The following MIR2052HG variants were observed in gnomAD, a reference collection of about 807,000 sequenced individuals.
MIR2052HG encodes the protein MIR2052 host gene.
At chr8:74,717,674 A>G (rs937471363) in intron 4 of MIR2052HG, among the ~76,000 whole-genome samples, 13 of 152,128 alleles carry the variant, frequency 8.5e-5, no homozygotes, top group African/African-American at 3.1e-4. Context: ...AAAAAAATAT[A>G]GTAAGGCATC....
At chr8:74,666,493 C>T (rs1235410515) in intron 2 of MIR2052HG, among the ~76,000 whole-genome samples, 1 of 152,132 alleles carries the variant, frequency 6.6e-6, no homozygotes, top group Non-Finnish European at 1.5e-5. Flanking sequence ...TGTCTTCTTG[C>T]TAGGACATAT....
chr8:74,717,332 G>A (rs1046827687), intron 4 of MIR2052HG, among the ~76,000 whole-genome samples: 1 of 152,096 alleles, frequency 6.6e-6, no homozygotes, highest in Non-Finnish European at 1.5e-5. Flanking sequence ...CAAAGGACAT[G>A]AACTCATTCT....
chr8:74,653,652 G>A (rs1424227963), intron 2 of MIR2052HG, among the ~76,000 whole-genome samples: 2 of 152,020 alleles, frequency 1.3e-5, no homozygotes, highest in Non-Finnish European at 2.9e-5. Flanking sequence ...CAAACCAATG[G>A]GACCACACCT....
intron 2 of MIR2052HG, among the ~76,000 whole-genome samples, chr8:74,627,923 G>A (rs1338340226): frequency 6.6e-6 from 1 of 152,176 alleles, no homozygotes; most frequent in Admixed American, 6.5e-5. Context: ...AATCTATCAA[G>A]CTTAGTAGCC....
At position 74,752,204 on chromosome 8, in the gene MIR2052HG, C is replaced by A. The variant is rs1420853260; in HGVS notation, n.372-237C>A. 2.0e-5 allele frequency among the ~76,000 whole-genome samples: 3 copies of A among 150,766 alleles called. No homozygotes were observed. The East Asian group carries it at 5.9e-4, about 30-fold the overall frequency. On this transcript the variant is annotated intron_variant and non_coding_transcript_variant, in intron 4 of 6. Transcript: ENST00000523442. Reference sequence around the variant, plus strand: ...GGCTGAGATGGGAGGATTTCCTCAGCCTGGGAGGTCGAGGCTACAGTGAGC... The same window carrying A: ...GGCTGAGATGGGAGGATTTCCTCAGACTGGGAGGTCGAGGCTACAGTGAGC...
At chr8:74,652,324 T>G (rs1808762141) in intron 2 of MIR2052HG, among the ~76,000 whole-genome samples, 1 of 152,182 alleles carries the variant, frequency 6.6e-6, no homozygotes. Context: ...ATAATATTTC[T>G]GGTTGGAGCC....
At chr8:74,603,379 G>T in intron 1 of MIR2052HG, 1 of 1,611,160 alleles carries the variant, frequency 6.2e-7, no homozygotes, top group South Asian at 1.1e-5. Flanking sequence ...TCCAGTGATG[G>T]TAACCTGCCT....
At chr8:74,657,394 A>G (rs1422526249) in intron 2 of MIR2052HG, among the ~76,000 whole-genome samples, 6 of 152,220 alleles carry the variant, frequency 3.9e-5, no homozygotes, top group African/African-American at 9.7e-5. Context: ...TTCCTCACAC[A>G]GTAAAAGCCA....
intron 2 of MIR2052HG, among the ~76,000 whole-genome samples, chr8:74,655,965 C>A (rs1329372340): frequency 6.6e-6 from 1 of 152,184 alleles, no homozygotes; most frequent in Non-Finnish European, 1.5e-5. Context: ...TCAGCATGAC[C>A]TGGATGTAAG....
chr8:74,606,934 AC>A (rs1228066900), intron 1 of MIR2052HG, among the ~76,000 whole-genome samples: 1 of 152,080 alleles, frequency 6.6e-6, no homozygotes, highest in Non-Finnish European at 1.5e-5. Flanking sequence ...ATAATAAAAA[AC>A]CCTCAATCCT....
intron 5 of MIR2052HG, among the ~76,000 whole-genome samples, chr8:74,755,819 G>A (rs1254808192): frequency 6.6e-6 from 1 of 152,174 alleles, no homozygotes. Flanking sequence ...GAATTGGAGT[G>A]GTGTCATGAG....
intron 2 of MIR2052HG, among the ~76,000 whole-genome samples, chr8:74,676,591 G>C (rs1303388131): frequency 4.0e-5 from 6 of 151,806 alleles, no homozygotes; most frequent in Admixed American, 1.3e-4. Flanking sequence ...AATGTGGCAA[G>C]GTGTACAAAG....
At chr8:74,717,269 T>A (rs535094349) in intron 4 of MIR2052HG, among the ~76,000 whole-genome samples, 1 of 152,166 alleles carries the variant, frequency 6.6e-6, no homozygotes, top group Non-Finnish European at 1.5e-5. Context: ...TGGTTTTCTG[T>A]TCCTGTGTTA....
intron 2 of MIR2052HG, among the ~76,000 whole-genome samples, chr8:74,627,918 A>G (rs1356280173): frequency 6.6e-6 from 1 of 152,232 alleles, no homozygotes; most frequent in Non-Finnish European, 1.5e-5. Context: ...GTTGAAATCT[A>G]TCAAGCTTAG....
intron 2 of MIR2052HG, among the ~76,000 whole-genome samples, chr8:74,674,405 T>A (rs926457431): frequency 2.0e-5 from 3 of 151,908 alleles, no homozygotes; most frequent in Non-Finnish European, 4.4e-5. Context: ...GTTTGATGAT[T>A]AACTATTTAA....
At chr8:74,723,905 G>T (rs1203881054) in intron 4 of MIR2052HG, among the ~76,000 whole-genome samples, 1 of 152,154 alleles carries the variant, frequency 6.6e-6, no homozygotes, top group Non-Finnish European at 1.5e-5. Context: ...TTTGAAGCAA[G>T]ATTTTTCTTT....
chr8:74,628,918 A>G (rs1458408476), intron 2 of MIR2052HG: 1 of 152,072 alleles, frequency 6.6e-6, no homozygotes, highest in African/African-American at 2.4e-5. Context: ...ATCTTGTTTG[A>G]TGGCATAGAC....
At chr8:74,698,183 G>A (rs1809319470) in intron 2 of MIR2052HG, among the ~76,000 whole-genome samples, 1 of 152,116 alleles carries the variant, frequency 6.6e-6, no homozygotes, top group Non-Finnish European at 1.5e-5. Flanking sequence ...GAACAGAATA[G>A]AGAACCAGAA....
intron 2 of MIR2052HG, among the ~76,000 whole-genome samples, chr8:74,701,943 A>G (rs1044712754): frequency 3.9e-5 from 6 of 152,092 alleles, no homozygotes; most frequent in African/African-American, 1.4e-4. Context: ...GTGGTTACCA[A>G]TAATGAGGTT....
Sources: gnomAD v4.1 joint callset for allele counts (sites outside exome capture counted in the v4.1 genomes callset) on GRCh38, gnomAD v4.1.1 for gene constraint, MANE v1.5 for transcripts, NCBI Gene and HGNC (gene_info 2026-07-23, HGNC 2026-07-21) for gene names.